Variants in KCNH7 observed in about 807,000 individuals in gnomAD.
KCNH7 encodes potassium voltage-gated channel subfamily H member 7, also known as voltage-gated inwardly rectifying potassium channel KCNH7.
KCNH7 carries 49 observed loss-of-function variants against 120.8 expected under a neutral mutation model. That is an observed-to-expected ratio of 0.41 (90% CI 0.32 to 0.51). The LOEUF (loss-of-function observed/expected upper bound fraction) is 0.51. Among genes scored for constraint, KCNH7 ranks in the 20% least tolerant of loss-of-function variants. KCNH7 has a pLI of 0.38. For synonymous variants in KCNH7, 547 were observed against 516.1 expected, an observed-to-expected ratio of 1.06 and a Z score of -0.81; for missense variants, 1,097 against 1,446.6, an observed-to-expected ratio of 0.76 and a Z score of 3.92.
chr2:162,402,738 G>T (rs555023960), intron 9 of KCNH7, among the ~76,000 whole-genome samples: 15 of 151,756 alleles, frequency 9.9e-5, no homozygotes, highest in Non-Finnish European at 1.9e-4. Flanking sequence ...TGCATTTCTG[G>T]CATTTTCCCT....
chr2:162,746,769 T>C (rs1485487881), intron 2 of KCNH7, among the ~76,000 whole-genome samples: 1 of 152,174 alleles, frequency 6.6e-6, no homozygotes, highest in Non-Finnish European at 1.5e-5. Flanking sequence ...AGAAAACTTA[T>C]GGATAGTATA....
intron 8 of KCNH7, among the ~76,000 whole-genome samples, chr2:162,433,899 A>C (rs1688152407): frequency 6.6e-6 from 1 of 152,088 alleles, no homozygotes; most frequent in Non-Finnish European, 1.5e-5. Context: ...AAGAAAAATA[A>C]ATCGTTCTAC....
At chr2:162,591,194 T>C (rs921071081) in intron 2 of KCNH7, among the ~76,000 whole-genome samples, 5 of 152,084 alleles carry the variant, frequency 3.3e-5, no homozygotes, top group African/African-American at 1.2e-4. Context: ...TACTTATACA[T>C]CACCCAATTT....
intron 2 of KCNH7, among the ~76,000 whole-genome samples, chr2:162,705,090 T>C (rs998934289): frequency 4.6e-5 from 7 of 152,144 alleles, no homozygotes; most frequent in Admixed American, 4.6e-4. Context: ...ATCATTGTCA[T>C]ACTATAAAAG....
intron 2 of KCNH7, among the ~76,000 whole-genome samples, chr2:162,556,524 T>A (rs550790387): frequency 3.9e-4 from 59 of 152,290 alleles, no homozygotes; most frequent in African/African-American, 1.4e-3. Context: ...AATGTATACT[T>A]CATTTGGGGA....
chr2:162,791,403 T>C (rs1369392038), intron 2 of KCNH7, among the ~76,000 whole-genome samples: 1 of 152,156 alleles, frequency 6.6e-6, no homozygotes, highest in East Asian at 1.9e-4. Flanking sequence ...ATATTGTTTC[T>C]TCTTATCCAT....
At chr2:162,398,720 A>G (rs954414946) in intron 10 of KCNH7, among the ~76,000 whole-genome samples, 1 of 151,942 alleles carries the variant, frequency 6.6e-6, no homozygotes, top group African/African-American at 2.4e-5. Flanking sequence ...ACCTTCTTGT[A>G]GAAGCTAGGA....
intron 6 of KCNH7, among the ~76,000 whole-genome samples, chr2:162,468,631 C>G (rs933282560): frequency 6.7e-6 from 1 of 149,314 alleles, no homozygotes; most frequent in African/African-American, 2.5e-5. Flanking sequence ...AGCGATTCTC[C>G]TGCCTCAGCC....
At chr2:162,510,494 T>C (rs956005865) in intron 5 of KCNH7, among the ~76,000 whole-genome samples, 1 of 151,472 alleles carries the variant, frequency 6.6e-6, no homozygotes, top group African/African-American at 2.4e-5. Context: ...CCTCTGGAGA[T>C]AAATGTACCA....
chr2:162,662,001 C>T (rs764361523), intron 2 of KCNH7, among the ~76,000 whole-genome samples: 6 of 152,162 alleles, frequency 3.9e-5, no homozygotes, highest in African/African-American at 9.6e-5. Context: ...CAGTGGCTCA[C>T]GCCTCTAATC....
chr2:162,546,491 G>C (rs1053345624), intron 2 of KCNH7, among the ~76,000 whole-genome samples: 11 of 152,046 alleles, frequency 7.2e-5, no homozygotes, highest in African/African-American at 2.7e-4. Context: ...CAGAATATGA[G>C]CAAATCTGCA....
intron 2 of KCNH7, among the ~76,000 whole-genome samples, chr2:162,690,431 T>A (rs1415438134): frequency 6.6e-6 from 1 of 152,144 alleles, no homozygotes; most frequent in South Asian, 2.1e-4. Context: ...TTGACTCAAG[T>A]AAAGGAAATG....
chr2:162,536,256 T>A (rs1013851895), intron 3 of KCNH7, among the ~76,000 whole-genome samples: 2 of 151,940 alleles, frequency 1.3e-5, no homozygotes, highest in African/African-American at 4.8e-5. Flanking sequence ...CATTATAAAT[T>A]GACAAGATAG....
intron 2 of KCNH7, among the ~76,000 whole-genome samples, chr2:162,557,535 T>C (rs939557499): frequency 2.0e-5 from 3 of 152,172 alleles, no homozygotes; most frequent in African/African-American, 7.2e-5. Context: ...GAGATATTGT[T>C]GCAGCTGTCT....
chr2:162,724,671 C>CAAAAAAAAAAAAAA (rs71009368), intron 2 of KCNH7, among the ~76,000 whole-genome samples: 10 of 123,910 alleles, frequency 8.1e-5, no homozygotes, highest in African/African-American at 1.3e-4. Flanking sequence ...GACTCCGTCT[C>CAAAAAAAAAAAAAA]AAAAAAAAAA....
chr2:162,403,129 C>T (rs1687112490), intron 9 of KCNH7, among the ~76,000 whole-genome samples: 1 of 151,894 alleles, frequency 6.6e-6, no homozygotes, highest in South Asian at 2.1e-4. Context: ...AGACAATATA[C>T]TTTGGACTTC....
At chr2:162,786,238 G>A (rs1455218252) in intron 2 of KCNH7, among the ~76,000 whole-genome samples, 11 of 60,962 alleles carry the variant, frequency 1.8e-4, no homozygotes, top group East Asian at 1.2e-3. Flanking sequence ...GTGAGAATCC[G>A]TCTCAAAAAA....
chr2:162,699,228 T>G (rs1686403903), intron 2 of KCNH7, among the ~76,000 whole-genome samples: 1 of 152,094 alleles, frequency 6.6e-6, no homozygotes, highest in Non-Finnish European at 1.5e-5. Flanking sequence ...TTTCCCCAAT[T>G]ATTCCAACTG....
chr2:162,422,173 T>C (rs917253691), intron 9 of KCNH7, among the ~76,000 whole-genome samples: 5 of 152,176 alleles, frequency 3.3e-5, no homozygotes, highest in Non-Finnish European at 7.4e-5. Flanking sequence ...TCATGGCATG[T>C]CCTTCTCAAT....
Sources: gnomAD v4.1 joint callset for allele counts (sites outside exome capture counted in the v4.1 genomes callset) on GRCh38, gnomAD v4.1.1 for gene constraint, MANE v1.5 for transcripts, NCBI Gene and HGNC (gene_info 2026-07-23, HGNC 2026-07-21) for gene names.